TCIRG1: variants seen among roughly 807,000 people sequenced by gnomAD.
TCIRG1 encodes V-type proton ATPase 116 kDa subunit a 3.
Under a neutral mutation model 95.5 loss-of-function variants are expected in TCIRG1, and 86 were observed. The observed-to-expected ratio is 0.90, with a 90% CI of 0.76 to 1.08. TCIRG1 has a LOEUF of 1.08. Among genes scored for constraint, TCIRG1 ranks in the 50% least tolerant of loss-of-function variants. The probability of loss-of-function intolerance (pLI) is 0.00; values close to 1 mark genes in which losing one functional copy is unlikely to be tolerated. For synonymous variants in TCIRG1, 499 were observed against 501.3 expected, an observed-to-expected ratio of 1.00 and a Z score of 0.06; for missense variants, 1,069 against 1,140.2, an observed-to-expected ratio of 0.94 and a Z score of 0.90.
At chr11:68,048,226 G>A in intron 13 of TCIRG1, 2 of 593,798 alleles carry the variant, frequency 3.4e-6, no homozygotes, top group Non-Finnish European at 3.0e-6. Context: ...AGACTGGACA[G>A]GAACCAGCCT....
chr11:68,048,614 G>A (rs1286122521), intron 13 of TCIRG1, among the ~76,000 whole-genome samples: 4 of 152,142 alleles, frequency 2.6e-5, no homozygotes, highest in Admixed American at 6.5e-5. Context: ...TTTGAACCTC[G>A]TAACAACCCC....
chr11:68,051,263 C>T (rs1439403980), downstream of TCIRG1, among the ~76,000 whole-genome samples: 4 of 152,130 alleles, frequency 2.6e-5, no homozygotes, highest in African/African-American at 7.2e-5. Flanking sequence ...ACCTGAGCCC[C>T]GGCCAGTGCT....
In TCIRG1 at chr11:68,047,816, G is replaced by T; in HGVS notation, c.1463+12G>T. ...CAGTCTGGCTGGAGGTGAGGCCCGG[G>T]CCCCAGCCCGGCTGGGGGCCCCGCA... On this transcript the variant is annotated intron_variant, in intron 12 of 19. Coordinates refer to ENST00000265686, the MANE Select transcript of TCIRG1 (RefSeq NM_006019.4). 2 of 1,612,158 alleles carry T rather than the reference G, an allele frequency of 1.2e-6. No homozygotes were observed. Among genetic ancestry groups the T allele is most frequent in the Non-Finnish European group, 1.7e-6 (2 of 1,179,350 alleles).
At chr11:68,041,511 C>G in intron 2 of TCIRG1, 123 bp downstream of exon 2, 1 of 813,374 alleles carries the variant, frequency 1.2e-6, no homozygotes, top group Non-Finnish European at 2.0e-6. Flanking sequence ...CCCAGCGGCC[C>G]CTGCCATGGG....
Position 68,044,288 on chromosome 11 carries a change from G to A in TCIRG1, c.964G>A (p.Ala322Thr), listed in dbSNP as rs202161177. The A allele has an allele frequency of 4.2e-5, 67 of 1,605,534 alleles. No individual in the cohort carries two copies. In the East Asian group the frequency reaches 1.5e-3, roughly 36 times the overall value. Residue 322 changes from alanine to threonine, a missense_variant, in exon 9 of 20, where the codon GCC becomes ACC. Ala to Thr is a moderately conservative substitution (Grantham distance 58, BLOSUM62 0). Transcript: ENST00000265686. ...STTHKCLIAE[A>T]WCSVRDLPAL... ...CACGCACAAGTGCCTCATTGCCGAGGCCTGGTGCTCTGTGCGAGACCTGCC... is the reference window on the plus strand; with the variant it reads ...CACGCACAAGTGCCTCATTGCCGAGACCTGGTGCTCTGTGCGAGACCTGCC...
chr11:68,050,931 AGGCAGGT>A, downstream of TCIRG1: 1 of 1,259,708 alleles, frequency 7.9e-7, no homozygotes, highest in Non-Finnish European at 1.1e-6. Context: ...TTTTTAGCTG[AGGCAGGT>A]GGCAGGGTAG....
intron 15 of TCIRG1, 69 bp from the exon 16 acceptor site, chr11:68,049,594 G>A (rs1855688090): frequency 3.2e-6 from 5 of 1,566,252 alleles, no homozygotes; most frequent in Non-Finnish European, 4.3e-6. Context: ...CCCCGTGACT[G>A]CTGTGACTCA....
At chr11:68,050,115 C>G (rs760031146) in intron 17 of TCIRG1, 22 bp from the exon 18 acceptor site, 1 of 1,612,320 alleles carries the variant, frequency 6.2e-7, no homozygotes, top group African/African-American at 1.3e-5. Flanking sequence ...CCCTGCCGGC[C>G]CTCACTGCAC....
In TCIRG1 at chr11:68,050,853, G is replaced by T. The variant is rs772507621; in HGVS notation, c.*34G>T. 1.2e-6 allele frequency: 2 copies of T among 1,606,306 alleles called. No individual in the cohort carries two copies. Among genetic ancestry groups the T allele is most frequent in the Admixed American group, 1.7e-5 (1 of 59,976 alleles). ...GCAGGTCCTGCCAGACCTCCTTCCT[G>T]ACCTCTGAGGCAGGAGAGGAATAAA... On this transcript the variant is annotated 3_prime_UTR_variant, in exon 20 of 20. Coordinates refer to ENST00000265686, the MANE Select transcript of TCIRG1 (RefSeq NM_006019.4).
At chr11:68,044,891 G>A (rs1474283349) in intron 9 of TCIRG1, 67 bp from the exon 10 acceptor site, 1 of 1,595,204 alleles carries the variant, frequency 6.3e-7, no homozygotes. Context: ...GCTGGGCCTG[G>A]CTGGAGATCC....
chr11:68,040,479 T>A (rs1425226748), intron 1 of TCIRG1, among the ~76,000 whole-genome samples: 1 of 152,200 alleles, frequency 6.6e-6, no homozygotes, highest in East Asian at 1.9e-4. Flanking sequence ...AGTGACTGGC[T>A]GGGCAGGCGG....
intron 3 of TCIRG1, among the ~76,000 whole-genome samples, chr11:68,042,098 G>C (rs1215672772): frequency 6.6e-6 from 1 of 152,170 alleles, no homozygotes; most frequent in Non-Finnish European, 1.5e-5. Flanking sequence ...ACTTCGTCCT[G>C]TGGGCGCCAG....
rs1285624977 is a variant in TCIRG1 at position 68,047,687 on chromosome 11, T to C, written c.1346T>C (p.Leu449Pro). ...TFFRGRYLLL[L>P]MGLFSIYTGF... is the part of the protein sequence containing the mutation. The stretch of plus-strand genomic sequence containing the variant: ...TTCAGGGGCCGCTACCTGCTCCTGC[T>C]TATGGGCCTGTTCTCCATCTACACC... Residue 449 changes from leucine (L) to proline (P), a missense_variant, in exon 12 of 20, where the codon CTT becomes CCT. Coordinates refer to ENST00000265686, the MANE Select transcript of TCIRG1 (RefSeq NM_006019.4). 1 of 1,612,500 alleles carries C rather than the reference T, an allele frequency of 6.2e-7. No individual in the cohort carries two copies. The highest frequency in any genetic ancestry group is 8.5e-7 in the Non-Finnish European group (1 of 1,179,528).
At chr11:68,049,627 G>T in intron 15 of TCIRG1, 36 bp from the exon 16 acceptor site, 1 of 1,592,906 alleles carries the variant, frequency 6.3e-7, no homozygotes, top group Non-Finnish European at 8.5e-7. Flanking sequence ...GGTGTGCACA[G>T]CAGGGACGCC....
Position 68,043,920 on chromosome 11 carries a change from G to A in TCIRG1, c.807+13G>A, listed in dbSNP as rs773072992. The A allele has an allele frequency of 2.6e-5, 40 of 1,541,440 alleles. No individual in the cohort carries two copies. Among genetic ancestry groups the A allele is most frequent in the Non-Finnish European group, 3.1e-5 (36 of 1,143,920 alleles). On this transcript the variant is annotated intron_variant, in intron 8 of 19. Transcript: ENST00000265686. ...GGAGCTGCAGGAGGTGGGTGCCCCC[G>A]GCCTTCCGGAGGCGGGTGTAGGAGG... is the stretch of plus-strand genomic sequence containing the variant.
chr11:68,047,586 C>T lies in TCIRG1; in HGVS notation c.1305+14C>T. Reference sequence around the variant, plus strand: ...GCGCAGAACGAGGTGAGGGGCGGGGCTGGGGTCCTGATGAGGGTAGCAGGG... The same window carrying T: ...GCGCAGAACGAGGTGAGGGGCGGGGTTGGGGTCCTGATGAGGGTAGCAGGG... On this transcript the variant is annotated intron_variant, in intron 11 of 19. Coordinates refer to ENST00000265686, the MANE Select transcript of TCIRG1 (RefSeq NM_006019.4). 1.9e-6 allele frequency: 3 copies of T among 1,613,328 alleles called. No individual in the cohort carries two copies. The highest frequency in any genetic ancestry group is 2.5e-6 in the Non-Finnish European group (3 of 1,179,982).
chr11:68,050,314 G>C (rs1855736986), intron 18 of TCIRG1, 60 bp downstream of exon 18: 1 of 1,598,762 alleles, frequency 6.3e-7, no homozygotes, highest in East Asian at 2.2e-5. Context: ...TACCGCTGCT[G>C]GCTGGGCGGG....
intron 13 of TCIRG1, chr11:68,048,220 TG>T: frequency 1.7e-6 from 1 of 600,976 alleles, no homozygotes; most frequent in Non-Finnish European, 3.0e-6. Context: ...AAAGCGAGAC[TG>T]GACAGGAACC....
chr11:68,043,235 C>T, intron 5 of TCIRG1, 136 bp from the exon 6 acceptor site: 1 of 1,474,468 alleles, frequency 6.8e-7, no homozygotes, highest in Non-Finnish European at 9.0e-7. Flanking sequence ...GGGAGGCCTC[C>T]TGCCTTCCCC....
Sources: allele counts gnomAD v4.1 joint callset (sites outside exome capture counted in the v4.1 genomes callset), GRCh38; gene constraint gnomAD v4.1.1; transcripts MANE v1.5; gene names NCBI Gene and HGNC (gene_info 2026-07-23, HGNC 2026-07-21).